C6orf132: variants seen among roughly 807,000 people sequenced by gnomAD.
C6orf132 encodes uncharacterized protein C6orf132.
Under a neutral mutation model 65.3 loss-of-function variants are expected in C6orf132, and 43 were observed. The ratio of observed to expected loss-of-function variants is 0.66; its 90% CI spans 0.52 to 0.85. The LOEUF is 0.85. Ranked by LOEUF, C6orf132 falls within the 40% of genes least tolerant of loss-of-function variation. C6orf132 has a pLI of 0.00. For synonymous variants in C6orf132, 631 were observed against 654.1 expected, an observed-to-expected ratio of 0.96 and a Z score of 0.54; for missense variants, 1,488 against 1,548.8, an observed-to-expected ratio of 0.96 and a Z score of 0.66.
Position 42,106,143 on chromosome 6 carries a change from G to A in C6orf132, c.1769C>T (p.Pro590Leu), listed in dbSNP as rs867767021. 1.4e-5 allele frequency: 21 copies of A among 1,537,260 alleles called. No individual in the cohort carries two copies. The Middle Eastern group carries it at 2.7e-3, about 196-fold the overall frequency. Reference protein sequence around the residue: ...KEAKPSIGSLPPKPRLEGGRI... With the variant: ...KEAKPSIGSLLPKPRLEGGRI... The stretch of plus-strand genomic sequence containing the variant: ...TCCCCCTTCTAGCCGAGGCTTAGGG[G>A]GCAGAGATCCTATGCTGGGCTTAGC... The change falls in exon 4 of 5, where the codon CCC becomes CTC. Residue 590 changes from proline to leucine, a missense_variant. Physicochemically the swap from Pro to Leu is moderately conservative, Grantham distance 98. Coordinates refer to ENST00000341865, the MANE Select transcript of C6orf132 (RefSeq NM_001164446.3).
chr6:42,105,205 C>A lies in C6orf132; in HGVS notation c.2707G>T (p.Glu903Ter). The change falls in exon 4 of 5, where the codon GAG (glutamate) becomes TAG (stop). Residue 903 changes from glutamate (E) to a stop codon, truncating the protein, a stop_gained. Coordinates refer to ENST00000341865, the MANE Select transcript of C6orf132 (RefSeq NM_001164446.3). LOFTEE classifies it high-confidence loss of function. ...TCGGTCGTCAGCGGGGAGTCCTTCT[C>A]AGCCTCCTTGGGTAACTTGGGCACC... ...TVVPKLPKEA[E>*]KDSPLTTEIP... The A allele has an allele frequency of 6.5e-7, 1 of 1,537,222 alleles. No individual in the cohort carries two copies. The highest frequency in any genetic ancestry group is 1.2e-5 in the South Asian group (1 of 84,058).
chr6:42,115,368 C>T lies in C6orf132; in HGVS notation c.253-5077G>A, dbSNP rs144396927. ...GTACATTTTAAAATGGTTAAAAGGCCGGGCGCAGTGGCTCATGCCTGTAAT... is the reference window on the plus strand; with the variant it reads ...GTACATTTTAAAATGGTTAAAAGGCTGGGCGCAGTGGCTCATGCCTGTAAT... On this transcript the variant is annotated intron_variant, in intron 2 of 4. Transcript: ENST00000341865. 2.0e-5 allele frequency among the ~76,000 whole-genome samples: 3 copies of T among 151,780 alleles called. No individual in the cohort carries two copies. The East Asian group carries it at 5.8e-4, about 29-fold the overall frequency.
intron 1 of C6orf132, among the ~76,000 whole-genome samples, chr6:42,130,556 G>A (rs534694233): frequency 3.3e-5 from 5 of 152,196 alleles, no homozygotes; most frequent in South Asian, 2.1e-4. Flanking sequence ...GGGACTGCAC[G>A]ACAGCCACGC....
intron 2 of C6orf132, among the ~76,000 whole-genome samples, chr6:42,110,871 C>T (rs1766484018): frequency 3.3e-5 from 5 of 152,214 alleles, no homozygotes; most frequent in Admixed American, 2.6e-4. Context: ...ACAGAAGCAA[C>T]ACAAGCATTG....
intron 2 of C6orf132, among the ~76,000 whole-genome samples, chr6:42,123,842 C>T (rs916691935): frequency 6.6e-6 from 1 of 152,210 alleles, no homozygotes; most frequent in Non-Finnish European, 1.5e-5. Context: ...TAGTCCTACC[C>T]CCTCTGAAGT....
At chr6:42,115,465 C>T (rs962781476) in intron 2 of C6orf132, among the ~76,000 whole-genome samples, 16 of 150,530 alleles carry the variant, frequency 1.1e-4, no homozygotes, top group African/African-American at 3.4e-4. Flanking sequence ...GCTAACACGG[C>T]GAAACCCCGC....
intron 2 of C6orf132, 96 bp downstream of exon 2, chr6:42,128,575 TG>T: frequency 1.1e-6 from 1 of 882,768 alleles, no homozygotes; most frequent in Non-Finnish European, 1.8e-6. Flanking sequence ...AAGGAAGGGG[TG>T]GACAGAGGGT....
rs959537627 is a variant in C6orf132 at position 42,104,498 on chromosome 6, G to A, written c.3414C>T (p.Gly1138=). ...GAAEAKHKAP[G]SADYGFAPAA... ...CTGGGGCGAAGCCGTAGTCGGCGCT[G>A]CCGGGCGCTTTGTGCTTGGCCTCCG... The change falls in exon 4 of 5, where the codon GGC becomes GGT. Residue 1138 remains glycine (G), a synonymous_variant. Transcript: ENST00000341865. This position sits in a 1 kb window ranked among gnomAD's most constrained non-coding sequence, Gnocchi z 4.1. The A allele has an allele frequency of 8.1e-7, 1 of 1,232,630 alleles. No individual in the cohort carries two copies. The highest frequency in any genetic ancestry group is 4.1e-5 in the South Asian group (1 of 24,602). The allele number at this position is 1,232,630 out of a possible 1,614,324, so 76.4% of individuals were successfully genotyped here.
chr6:42,138,020 C>G (rs1766974952), intron 1 of C6orf132, among the ~76,000 whole-genome samples: 1 of 152,250 alleles, frequency 6.6e-6, no homozygotes, highest in Non-Finnish European at 1.5e-5. Context: ...GATCGTGCCA[C>G]TGCACTCCAG....
chr6:42,102,823 A>C lies in C6orf132; in HGVS notation c.*938T>G, dbSNP rs1029494903. The C allele has an allele frequency of 2.2e-5, 8 of 364,530 alleles. No individual in the cohort carries two copies. Among genetic ancestry groups the C allele is most frequent in the African/African-American group, 1.7e-4 (8 of 48,076 alleles). The allele number at this position is 364,530 out of a possible 1,614,324, so 22.6% of individuals were successfully genotyped here. On this transcript the variant is annotated 3_prime_UTR_variant, in exon 5 of 5. Transcript: ENST00000341865. ...CTCTCCAAGGCTTTCTAGCATCTTA[A>C]GGCATCAAGAGTATTGGTGACTTGT...
chr6:42,130,767 T>C lies in C6orf132; in HGVS notation c.146-1989A>G, dbSNP rs1766838926. On this transcript the variant is annotated intron_variant, in intron 1 of 4. Transcript: ENST00000341865. ...AAAAGGTAAAAACTTACTGAGCATCTTTTTTTTATCTTTATTTTTTTTGAG... is the reference window on the plus strand; with the variant it reads ...AAAAGGTAAAAACTTACTGAGCATCCTTTTTTTATCTTTATTTTTTTTGAG... Among the ~76,000 whole-genome samples, 5 of 151,820 alleles carry C rather than the reference T, an allele frequency of 3.3e-5. No homozygotes were observed. The South Asian group carries it at 1.0e-3, about 32-fold the overall frequency.
At chr6:42,116,876 T>C (rs1299549725) in intron 2 of C6orf132, among the ~76,000 whole-genome samples, 1 of 152,122 alleles carries the variant, frequency 6.6e-6, no homozygotes, top group Non-Finnish European at 1.5e-5. Flanking sequence ...TTGGAGGAAT[T>C]GTGCAGAGGT....
chr6:42,109,109 A>T (rs955380701), intron 3 of C6orf132, among the ~76,000 whole-genome samples: 2 of 152,182 alleles, frequency 1.3e-5, no homozygotes, highest in Non-Finnish European at 2.9e-5. Context: ...AAAAAACACC[A>T]GCAGGGGAGG....
At chr6:42,139,134 TC>T in intron 1 of C6orf132, among the ~76,000 whole-genome samples, 1 of 152,286 alleles carries the variant, frequency 6.6e-6, no homozygotes, top group East Asian at 1.9e-4. Flanking sequence ...CCCTTACACA[TC>T]CCTACATTGA....
chr6:42,142,524 T>C lies in C6orf132; in HGVS notation c.-80A>G. On this transcript the variant is annotated 5_prime_UTR_variant, in exon 1 of 5. Coordinates refer to ENST00000341865, the MANE Select transcript of C6orf132 (RefSeq NM_001164446.3). ...CTGCCCCGGACTGAACTCAGCACGG[T>C]CTCCCCAGGGGACTCTACCAGGCCA... The C allele has an allele frequency of 7.4e-7, 1 of 1,353,916 alleles. No individual in the cohort carries two copies. 83.9% of individuals were successfully genotyped at this position (1,353,916 alleles called of 1,614,324 possible).
At chr6:42,133,275 T>C (rs1766883160) in intron 1 of C6orf132, among the ~76,000 whole-genome samples, 1 of 152,210 alleles carries the variant, frequency 6.6e-6, no homozygotes, top group Non-Finnish European at 1.5e-5. Context: ...GAGAGGAGGC[T>C]GGATGATTTG....
chr6:42,117,994 C>T (rs1215582580), intron 2 of C6orf132, among the ~76,000 whole-genome samples: 3 of 149,514 alleles, frequency 2.0e-5, no homozygotes, highest in Admixed American at 1.3e-4. Flanking sequence ...ATGGCTCTAG[C>T]TCTGCTACCA....
chr6:42,104,966 G>A lies in C6orf132; in HGVS notation c.2946C>T (p.Asn982=), dbSNP rs1464977248. 2 of 1,495,158 alleles carry A rather than the reference G, an allele frequency of 1.3e-6. No homozygotes were observed. Among genetic ancestry groups the A allele is most frequent in the Non-Finnish European group, 1.8e-6 (2 of 1,126,406 alleles). The allele number at this position is 1,495,158 out of a possible 1,614,324, so 92.6% of individuals were successfully genotyped here. A position where few individuals can be genotyped will look rare whatever the true frequency, so the allele number is the denominator to read the frequency against. ...NKREEEEEEF[N]FEVIPPPPEF... is the part of the protein sequence containing the mutation. The stretch of plus-strand genomic sequence containing the variant: ...CTGGCGGCGGTGGGATGACCTCGAA[G>A]TTGAACTCCTCCTCCTCCTCCTCCC... The change falls in exon 4 of 5, where the codon AAC becomes AAT. Residue 982 remains asparagine, a synonymous_variant. Transcript: ENST00000341865. This position sits in a 1 kb window ranked among gnomAD's most constrained non-coding sequence, Gnocchi z 4.1.
chr6:42,122,484 G>T (rs1264122403), intron 2 of C6orf132, among the ~76,000 whole-genome samples: 1 of 152,218 alleles, frequency 6.6e-6, no homozygotes, highest in Non-Finnish European at 1.5e-5. Flanking sequence ...TGGAGCTTTG[G>T]AGGTTCAGGC....
Sources: gnomAD v4.1 joint callset for allele counts (sites outside exome capture counted in the v4.1 genomes callset) on GRCh38, gnomAD v4.1.1 for gene constraint, Gnocchi (gnomAD v3.1) non-coding constraint, MANE v1.5 for transcripts, NCBI Gene and HGNC (gene_info 2026-07-23, HGNC 2026-07-21) for gene names.